Variants in ZNF185 observed in about 807,000 individuals in gnomAD.
The protein encoded by ZNF185 is zinc finger protein 185 with LIM domain.
ZNF185 carries 56 observed loss-of-function variants against 58.6 expected under a neutral mutation model. The ratio of observed to expected loss-of-function variants is 0.95; its 90% CI spans 0.77 to 1.19. ZNF185 has a LOEUF of 1.19. ZNF185 is among the 50% of genes most tolerant of loss of function. The pLI is 0.00. For synonymous variants in ZNF185, 230 were observed against 215.9 expected, an observed-to-expected ratio of 1.07 and a Z score of -0.57; for missense variants, 627 against 573.5, an observed-to-expected ratio of 1.09 and a Z score of -0.95.
chrX:152,920,734 G>A (rs1205325568), exon 9 of ZNF185: 5 of 1,210,621 alleles, frequency 4.1e-6, no homozygotes, highest in Admixed American at 4.4e-5. Flanking sequence ...CACAGGCACC[G>A]TTTATCGCGA....
the ZNF185 span, among the ~76,000 whole-genome samples, chrX:152,903,770 A>G: frequency 8.1e-4 from 90 of 111,539 alleles, 2 homozygotes; most frequent in African/African-American, 2.9e-3. Flanking sequence ...GAACGAGAAA[A>G]TGGGCGCATG....
intron 16 of ZNF185, among the ~76,000 whole-genome samples, chrX:152,954,966 T>G (rs2048673516): frequency 1.9e-5 from 2 of 106,382 alleles, no homozygotes; most frequent in African/African-American, 3.5e-5. Flanking sequence ...AAAAAAAAGG[T>G]GGAGGGGGGG....
At chrX:152,959,069 G>T (rs1280461971) in intron 16 of ZNF185, among the ~76,000 whole-genome samples, 1 of 112,993 alleles carries the variant, frequency 8.9e-6, no homozygotes, top group Non-Finnish European at 1.9e-5. Flanking sequence ...CCTGCCGCCA[G>T]ATGGCGCTCG....
At chrX:152,936,224 C>T (rs1245592738) in intron 14 of ZNF185, among the ~76,000 whole-genome samples, 194 bp from the exon 16 acceptor site, 1 of 112,853 alleles carries the variant, frequency 8.9e-6, no homozygotes, top group Non-Finnish European at 1.9e-5. Context: ...TTTGCAACGC[C>T]AGAGGGCAAC....
At chrX:152,938,956 A>G (rs1439898887) in intron 15 of ZNF185, among the ~76,000 whole-genome samples, 2 of 102,987 alleles carry the variant, frequency 1.9e-5, no homozygotes, top group African/African-American at 6.9e-5. Context: ...AGAGAGCTAT[A>G]GATAAGGAAC....
chrX:152,946,745 G>A (rs1421614096), intron 16 of ZNF185, among the ~76,000 whole-genome samples: 1 of 112,108 alleles, frequency 8.9e-6, no homozygotes, highest in African/African-American at 3.2e-5. Flanking sequence ...GGCATTCCGA[G>A]TGGAGGCTCA....
At chrX:152,954,544 A>AG (rs1294953623) in intron 16 of ZNF185, among the ~76,000 whole-genome samples, 1 of 112,331 alleles carries the variant, frequency 8.9e-6, no homozygotes, top group African/African-American at 3.2e-5. Context: ...TAGTTCCGTG[A>AG]GGTAGCCTTA....
chrX:152,917,051 C>G lies in ZNF185; in HGVS notation c.225-80C>G, dbSNP rs782804103. ...CTTGCCAGCCAATCTTATTTGCTAT[C>G]GTTAAGGGCAGGATAAAGTAGGATG... On this transcript the variant is annotated intron_variant, in intron 3 of 22. Transcript: ENST00000449285. 1.5e-5 allele frequency: 17 copies of G among 1,168,029 alleles called. 1 individual carries two copies. The highest frequency in any genetic ancestry group is 1.2e-6 in the Non-Finnish European group (1 of 859,549).
At position 152,921,626 on chromosome X, in the gene ZNF185, C is replaced by G. The variant is rs953821729; in HGVS notation, c.657-547C>G. Among the ~76,000 whole-genome samples, 3 of 111,660 alleles carry G rather than the reference C, an allele frequency of 2.7e-5. No homozygotes were observed. The Admixed American group carries it at 2.8e-4, about 11-fold the overall frequency. ...GCTTAAAACATCAGAAAGGGATTCT[C>G]TCCCGGTTCTGGAGACCAGAAGTCT... On this transcript the variant is annotated intron_variant, in intron 9 of 22. Transcript: ENST00000449285.
At chrX:152,937,363 C>T (rs1048583711) in intron 14 of ZNF185, among the ~76,000 whole-genome samples, 4 of 111,970 alleles carry the variant, frequency 3.6e-5, no homozygotes, top group Admixed American at 9.4e-5. Flanking sequence ...CTGCTTAGTC[C>T]GGTGGCCCCT....
intron 16 of ZNF185, among the ~76,000 whole-genome samples, chrX:152,949,081 G>C (rs1444038037): frequency 9.4e-6 from 1 of 106,543 alleles, no homozygotes; most frequent in Non-Finnish European, 2.0e-5. Flanking sequence ...AGCAGTGACG[G>C]AGAGGGAAGT....
chrX:152,945,561 A>G, intron 16 of ZNF185, 97 bp downstream of exon 18: 1 of 947,659 alleles, frequency 1.1e-6, no homozygotes, highest in Non-Finnish European at 1.4e-6. Flanking sequence ...CCCTGTGCCA[A>G]TACCCGACAC....
chrX:152,962,023 GA>G (rs2049546331), intron 17 of ZNF185, among the ~76,000 whole-genome samples: 1 of 112,118 alleles, frequency 8.9e-6, no homozygotes, highest in African/African-American at 3.2e-5. Flanking sequence ...GATGGTTAGG[GA>G]AAGCTTTTCT....
Position 152,917,181 on chromosome X carries a change from C to A in ZNF185, c.263+12C>A. Reference sequence around the variant, plus strand: ...GGCTACATCATCCGGTAAGTGACCGCAGGACTCTGCCGGCCTTCCTGTGCC... The same window carrying A: ...GGCTACATCATCCGGTAAGTGACCGAAGGACTCTGCCGGCCTTCCTGTGCC... On this transcript the variant is annotated intron_variant, in intron 4 of 22. Transcript: ENST00000449285. 8.3e-7 allele frequency: 1 copy of A among 1,211,560 alleles called. No individual in the cohort carries two copies. Among genetic ancestry groups the A allele is most frequent in the Non-Finnish European group, 1.1e-6 (1 of 895,476 alleles).
intron 16 of ZNF185, among the ~76,000 whole-genome samples, chrX:152,949,109 C>CTCGACA (rs200956350): frequency 0.23 from 25,567 of 110,940 alleles, 2,261 homozygotes; most frequent in South Asian, 0.38. Context: ...TAGAAAGCCA[C>CTCGACA]ATTTCTGGTC....
At chrX:152,905,915 G>A in the ZNF185 span, among the ~76,000 whole-genome samples, 3 of 112,306 alleles carry the variant, frequency 2.7e-5, no homozygotes, top group Admixed American at 2.8e-4. Context: ...TACCTGGGCT[G>A]GCTGGGCTCT....
chrX:152,960,930 C>T (rs1286193843), intron 17 of ZNF185, among the ~76,000 whole-genome samples: 1 of 112,340 alleles, frequency 8.9e-6, no homozygotes. Context: ...TTTTCTGGCT[C>T]TCACATCCAG....
chrX:152,918,043 C>T, intron 5 of ZNF185, 22 bp from the exon 7 acceptor site: 1 of 1,174,940 alleles, frequency 8.5e-7, no homozygotes. Context: ...CAGGTAGACA[C>T]ATGGAACCTT....
At chrX:152,931,192 A>T (rs1941900294) in intron 12 of ZNF185, among the ~76,000 whole-genome samples, 1 of 112,438 alleles carries the variant, frequency 8.9e-6, no homozygotes, top group Non-Finnish European at 1.9e-5. Context: ...ATAAAACAAC[A>T]ACAACAAAAA....
Sources: allele counts gnomAD v4.1 joint callset (sites outside exome capture counted in the v4.1 genomes callset), GRCh38; gene constraint gnomAD v4.1.1; transcripts MANE v1.5; gene names NCBI Gene and HGNC (gene_info 2026-07-23, HGNC 2026-07-21).